SACS: variants seen among roughly 807,000 people sequenced by gnomAD.
SACS encodes sacsin.
In SACS, 197 loss-of-function variants were observed where a neutral mutation model predicts 348.0. That is an observed-to-expected ratio of 0.57 (90% CI 0.50 to 0.64). The LOEUF is 0.64. SACS is among the 30% of genes least tolerant of loss of function. The pLI is 0.00. For missense variants in SACS, 4,999 were observed against 5,360.8 expected (o/e 0.93, Z 2.11); for synonymous variants, 1,985 against 1,910.6 (o/e 1.04, Z -1.02).
chr13:23,355,471 C>T lies in SACS; in HGVS notation c.1141G>A (p.Glu381Lys). The change falls in exon 8 of 10, where the codon GAG becomes AAG. Residue 381 changes from glutamate to lysine, a missense_variant. Around this residue, in one of 6 missense-constraint regions of SACS, gnomAD observed 3,156 missense variants for 3,380.1 expected, o/e 0.93. Coordinates refer to ENST00000382292, the MANE Select transcript of SACS (RefSeq NM_014363.6). ...TTCTGTGCATCCTTAGTACTCTCCT[C>T]TTCTAAAACAATATTTACGTGATAT... ...VTYHVNIVLE[E>K]ESTKDAQKTS... is the part of the protein sequence containing the mutation. The T allele has an allele frequency of 6.2e-7, 1 of 1,614,112 alleles. No individual in the cohort carries two copies.
chr13:23,393,267 G>A (rs1872596661), intron 2 of SACS, among the ~76,000 whole-genome samples: 1 of 152,182 alleles, frequency 6.6e-6, no homozygotes, highest in African/African-American at 2.4e-5. Flanking sequence ...AAGCAAGTTT[G>A]GAGTTTGGAG....
rs1883604244 is a variant in SACS, at chr13:23,333,173, T to G, written c.10703A>C (p.Gln3568Pro). 1 of 1,605,748 alleles carries G rather than the reference T, an allele frequency of 6.2e-7. No individual in the cohort carries two copies. Among genetic ancestry groups the G allele is most frequent in the Admixed American group, 1.7e-5 (1 of 58,466 alleles). ...AACATGATTTTTGGGTTTTATAAGT[T>G]GTTCCAATTTCTTAAAGAAATCATT... is the stretch of plus-strand genomic sequence containing the variant. ...IPNDFFKKLEQLIKPKNHVTF... is the reference protein window; with the variant it reads ...IPNDFFKKLEPLIKPKNHVTF... The change falls in exon 10 of 10, where the codon CAA (glutamine) becomes CCA (proline). Residue 3568 changes from glutamine to proline, a missense_variant. By Grantham distance (76) the Gln-to-Pro change is moderately conservative. Transcript: ENST00000382292.
Position 23,355,814 on chromosome 13 carries a change from A to G in SACS, c.798T>C (p.Phe266=). The G allele has an allele frequency of 6.2e-7, 1 of 1,614,214 alleles. No homozygotes were observed. ...STKETFINGN[F]PGTFFRFPLR... ...GAGGGAAACGGAAAAATGTTCCTGG[A>G]AAATTGCCGTTTATAAATGTTTCCT... is the stretch of plus-strand genomic sequence containing the variant. Residue 266 remains phenylalanine (F), a synonymous_variant, in exon 8 of 10, where the codon TTT becomes TTC. Transcript: ENST00000382292.
chr13:23,342,254 T>C (rs1869305487), intron 9 of SACS, among the ~76,000 whole-genome samples: 1 of 152,186 alleles, frequency 6.6e-6, no homozygotes, highest in South Asian at 2.1e-4. Context: ...GAAATAAATA[T>C]ACAAAATGCA....
At chr13:23,416,138 C>G (rs746877850) in intron 1 of SACS, among the ~76,000 whole-genome samples, 1 of 151,854 alleles carries the variant, frequency 6.6e-6, no homozygotes, top group African/African-American at 2.4e-5. Flanking sequence ...AAAAATTAGC[C>G]GGGCATGGTG....
Position 23,331,851 on chromosome 13 carries a change from C to G in SACS, c.12025G>C (p.Glu4009Gln), listed in dbSNP as rs990358595. Residue 4009 changes from glutamate (E) to glutamine (Q), a missense_variant, in exon 10 of 10, where the codon GAA (glutamate) becomes CAA (glutamine). Glu to Gln is a conservative substitution (Grantham distance 29). Around this residue, in one of 6 missense-constraint regions of SACS, gnomAD observed 831 missense variants for 941.8 expected, o/e 0.88. Transcript: ENST00000382292. ...CTAATCAGTCCTGTAATGAACTGTT[C>G]AGAAGACAAGAGTAACTGCAATCTT... ...QGRLQLLLSSEQFITGLIRIM... is the reference protein window; with the variant it reads ...QGRLQLLLSSQQFITGLIRIM... 4 of 1,614,010 alleles carry G rather than the reference C, an allele frequency of 2.5e-6. No individual in the cohort carries two copies. The South Asian group carries it at 4.4e-5, about 18-fold the overall frequency.
intron 9 of SACS, among the ~76,000 whole-genome samples, chr13:23,348,209 C>T (rs1593139414): frequency 6.6e-6 from 1 of 152,190 alleles, no homozygotes; most frequent in Non-Finnish European, 1.5e-5. Context: ...ATAGCTTCAA[C>T]TCTGCAACTC....
intron 3 of SACS, among the ~76,000 whole-genome samples, chr13:23,374,718 G>GT (rs1288034738): frequency 1.3e-5 from 2 of 152,060 alleles, no homozygotes; most frequent in Non-Finnish European, 2.9e-5. Flanking sequence ...CCAAATTTCT[G>GT]TATCAAAAAT....
chr13:23,342,033 C>T (rs1164269404), intron 9 of SACS, among the ~76,000 whole-genome samples: 9 of 151,976 alleles, frequency 5.9e-5, no homozygotes, highest in African/African-American at 1.2e-4. Context: ...GTGACCCACC[C>T]GCCTTGGCCT....
At chr13:23,375,595 G>A (rs1232238460) in intron 2 of SACS, 9 of 1,010,864 alleles carry the variant, frequency 8.9e-6, no homozygotes, top group Non-Finnish European at 1.1e-5. Flanking sequence ...TGCAGGCGCC[G>A]CCCGCGGGGA....
chr13:23,390,840 C>T (rs1477295935), intron 2 of SACS, among the ~76,000 whole-genome samples: 1 of 152,216 alleles, frequency 6.6e-6, no homozygotes, highest in African/African-American at 2.4e-5. Flanking sequence ...AAGTAGCGAG[C>T]GTGTTCATGT....
In SACS at chr13:23,339,966, A is replaced by T; in HGVS notation, c.3910T>A (p.Leu1304Met). ...PIHDLDLQPY[L>M]HNVPKTMAKF... ...GCCATGGTTTTAGGTACATTATGCAAATAAGGCTGAAGGTCAAGATCATGG... is the reference window on the plus strand; with the variant it reads ...GCCATGGTTTTAGGTACATTATGCATATAAGGCTGAAGGTCAAGATCATGG... The change falls in exon 10 of 10, where the codon TTG (leucine) becomes ATG (methionine). Residue 1304 changes from leucine (L) to methionine (M), a missense_variant. This residue lies in a region of SACS where 3,156 missense variants were observed against 3,380.1 expected (regional missense o/e 0.93). Transcript: ENST00000382292. 1.2e-6 allele frequency: 2 copies of T among 1,613,608 alleles called. No homozygotes were observed. Among genetic ancestry groups the T allele is most frequent in the Non-Finnish European group, 1.7e-6 (2 of 1,179,866 alleles).
At chr13:23,348,084 C>T (rs188693287) in intron 9 of SACS, among the ~76,000 whole-genome samples, 132 of 152,260 alleles carry the variant, frequency 8.7e-4, no homozygotes, top group African/African-American at 3.2e-3. Context: ...TTTTCTTCAT[C>T]CAAAATCCAT....
At chr13:23,374,937 TG>T (rs1237279707) in intron 3 of SACS, among the ~76,000 whole-genome samples, 181 bp downstream of exon 3, 1 of 148,772 alleles carries the variant, frequency 6.7e-6, no homozygotes, top group African/African-American at 2.5e-5. Context: ...GGGTTCGGGG[TG>T]GGGGATGCAA....
In SACS at chr13:23,355,050, C is replaced by T; in HGVS notation, c.1562G>A (p.Ser521Asn). The part of the protein sequence containing the change: ...DSIKRLEMEK[S>N]SDFPLSVDVI... Reference sequence around the variant, plus strand: ...ATCAACTGACAAGGGGAAATCAGAGCTCTTTTCCATCTCCAGACGTTTTAT... The same window carrying T: ...ATCAACTGACAAGGGGAAATCAGAGTTCTTTTCCATCTCCAGACGTTTTAT... Residue 521 changes from serine (S) to asparagine (N), a missense_variant, in exon 8 of 10, where the codon AGC (serine) becomes AAC (asparagine). Physicochemically the swap from Ser to Asn is conservative, Grantham distance 46. Coordinates refer to ENST00000382292, the MANE Select transcript of SACS (RefSeq NM_014363.6). 1 of 1,614,212 alleles carries T rather than the reference C, an allele frequency of 6.2e-7. No individual in the cohort carries two copies. Among genetic ancestry groups the T allele is most frequent in the Non-Finnish European group, 8.5e-7 (1 of 1,180,044 alleles).
intron 2 of SACS, among the ~76,000 whole-genome samples, chr13:23,394,948 C>G (rs536282392): frequency 3.0e-4 from 46 of 152,200 alleles, no homozygotes; most frequent in Non-Finnish European, 5.3e-4. Context: ...ACCTTTGAAG[C>G]CTTTTCTTCA....
At chr13:23,399,256 G>A (rs1283621593) in intron 2 of SACS, among the ~76,000 whole-genome samples, 2 of 152,074 alleles carry the variant, frequency 1.3e-5, no homozygotes, top group East Asian at 1.9e-4. Flanking sequence ...CCTTTTCAAA[G>A]GTTTAATTTC....
intron 2 of SACS, among the ~76,000 whole-genome samples, chr13:23,393,614 T>C (rs554143586): frequency 5.2e-4 from 79 of 152,174 alleles, no homozygotes; most frequent in Non-Finnish European, 9.9e-4. Flanking sequence ...TGTGATCTCA[T>C]CAAAAACCTA....
intron 9 of SACS, among the ~76,000 whole-genome samples, chr13:23,353,573 A>G (rs1360784100): frequency 6.6e-6 from 1 of 152,214 alleles, no homozygotes; most frequent in Non-Finnish European, 1.5e-5. Context: ...CCATGACAGG[A>G]GAGATTTTTA....
Sources: gnomAD v4.1 joint callset for allele counts (sites outside exome capture counted in the v4.1 genomes callset) on GRCh38, gnomAD v4.1.1 for gene constraint, gnomAD v4.1.1 regional missense constraint, MANE v1.5 for transcripts, NCBI Gene and HGNC (gene_info 2026-07-23, HGNC 2026-07-21) for gene names.